The following CREB5 variants were observed in gnomAD, a reference collection of about 807,000 sequenced individuals.
CREB5 encodes the protein cyclic AMP-responsive element-binding protein 5.
A neutral mutation model predicts 57.1 loss-of-function variants in CREB5; 19 were observed. The observed-to-expected ratio is 0.33, with a 90% CI of 0.23 to 0.49. The LOEUF is 0.49. Ranked by LOEUF, CREB5 falls within the 20% of genes least tolerant of loss-of-function variation. The probability of loss-of-function intolerance (pLI) is 0.99; values close to 1 mark genes in which losing one functional copy is unlikely to be tolerated. For missense variants in CREB5, 579 were observed against 671.6 expected (o/e 0.86, Z 1.52); for synonymous variants, 238 against 238.3 (o/e 1.00, Z 0.01).
intron 5 of CREB5, among the ~76,000 whole-genome samples, chr7:28,685,706 C>G (rs1453612518): frequency 7.1e-6 from 1 of 140,712 alleles, no homozygotes; most frequent in Non-Finnish European, 1.5e-5. Context: ...TTTTTTGTTT[C>G]CAGCAGAACC....
rs1347490207 is a variant in CREB5 at position 28,809,397 on chromosome 7, A to G, written c.1237A>G (p.Thr413Ala). 1 of 1,613,174 alleles carries G rather than the reference A, an allele frequency of 6.2e-7. No individual in the cohort carries two copies. The highest frequency in any genetic ancestry group is 8.5e-7 in the Non-Finnish European group (1 of 1,179,636). ...LEKKAEELTQ[T>A]NMQLQNEVSM... ...AAAGAAAGCAGAAGAACTCACCCAG[A>G]CAAACATGCAGCTTCAGGTGCAGCC... Residue 413 changes from threonine (T) to alanine (A), a missense_variant, in exon 9 of 11, where the codon ACA becomes GCA. Coordinates refer to ENST00000357727, the MANE Select transcript of CREB5 (RefSeq NM_182898.4).
intron 4 of CREB5, among the ~76,000 whole-genome samples, chr7:28,510,117 A>G (rs985984546): frequency 6.6e-6 from 1 of 152,198 alleles, no homozygotes; most frequent in Non-Finnish European, 1.5e-5. Flanking sequence ...AATGAGGAGT[A>G]GGAATAATGC....
chr7:28,733,102 G>A (rs1050762297), intron 7 of CREB5, among the ~76,000 whole-genome samples: 1 of 152,070 alleles, frequency 6.6e-6, no homozygotes, highest in Non-Finnish European at 1.5e-5. Flanking sequence ...CAGGACAGAA[G>A]TGTTCAAGGA....
intron 7 of CREB5, among the ~76,000 whole-genome samples, chr7:28,771,257 T>C (rs1034075136): frequency 1.3e-5 from 2 of 152,172 alleles, no homozygotes; most frequent in Non-Finnish European, 2.9e-5. Context: ...AAAAAATGGC[T>C]CCATCTTTAG....
intron 5 of CREB5, among the ~76,000 whole-genome samples, chr7:28,641,552 T>C (rs1168588507): frequency 2.0e-5 from 3 of 152,084 alleles, no homozygotes; most frequent in African/African-American, 7.2e-5. Flanking sequence ...GTACCCTCCT[T>C]CGGGCATGGC....
At chr7:28,811,474 T>G (rs1025245844) in intron 9 of CREB5, among the ~76,000 whole-genome samples, 1 of 152,136 alleles carries the variant, frequency 6.6e-6, no homozygotes, top group Non-Finnish European at 1.5e-5. Flanking sequence ...ACTGCAACCT[T>G]GACCTCCTGG....
Position 28,435,091 on chromosome 7 carries a change from C to CTT in CREB5, c.3+22190_3+22191dup, listed in dbSNP as rs397702746. ...TGGAATTATCACCTAGGCCACCTGG[C>CTT]TTTTTTTTTTTTTTTTTCCTCCCTC... On this transcript the variant is annotated intron_variant, in intron 1 of 10. Coordinates refer to ENST00000357727, the MANE Select transcript of CREB5 (RefSeq NM_182898.4). 3.5e-3 allele frequency among the ~76,000 whole-genome samples: 469 copies of CTT among 132,760 alleles called. 8 individuals are homozygous for CTT. The highest frequency in any genetic ancestry group is 9.5e-3 in the South Asian group (40 of 4,192). 87.1% of individuals were successfully genotyped at this position (132,760 alleles called of 152,430 possible). A position where few individuals can be genotyped will look rare whatever the true frequency, so the allele number is the denominator to read the frequency against.
intron 4 of CREB5, among the ~76,000 whole-genome samples, chr7:28,569,741 G>A (rs1324573655): frequency 6.6e-6 from 1 of 152,188 alleles, no homozygotes; most frequent in African/African-American, 2.4e-5. Flanking sequence ...CATTGTGAGA[G>A]ATGGATTTTA....
rs1448628986 is a variant in CREB5, at chr7:28,809,076, T to C, written c.1027-111T>C. The C allele has an allele frequency of 3.1e-6, 3 of 977,474 alleles. No individual in the cohort carries two copies. The African/African-American group carries it at 4.9e-5, about 16-fold the overall frequency. The allele number at this position is 977,474 out of a possible 1,614,324, so 60.6% of individuals were successfully genotyped here. A position where few individuals can be genotyped will look rare whatever the true frequency, so the allele number is the denominator to read the frequency against. ...TAGGAGGCAAGTCTCATATGCTGAC[T>C]GAAACGATAGACTTTCTGTGCTTTG... On this transcript the variant is annotated intron_variant, in intron 8 of 10. Transcript: ENST00000357727.
At chr7:28,732,888 A>C (rs1041347345) in intron 7 of CREB5, among the ~76,000 whole-genome samples, 2 of 150,782 alleles carry the variant, frequency 1.3e-5, no homozygotes, top group African/African-American at 4.9e-5. Context: ...CTTGAAATTT[A>C]AACTACGAAG....
chr7:28,391,845 T>C (rs1325565207), intron 1 of CREB5, among the ~76,000 whole-genome samples: 1 of 152,218 alleles, frequency 6.6e-6, no homozygotes, highest in East Asian at 1.9e-4. Context: ...TTTGCTGTTT[T>C]GGGGTCTGCT....
intron 7 of CREB5, among the ~76,000 whole-genome samples, chr7:28,741,188 G>A (rs1158036311): frequency 6.6e-6 from 1 of 152,110 alleles, no homozygotes; most frequent in East Asian, 1.9e-4. Flanking sequence ...CATGGGTGGT[G>A]TTCCCAAAGT....
chr7:28,321,576 A>G (rs1259452141), intron 1 of CREB5, among the ~76,000 whole-genome samples: 42 of 151,934 alleles, frequency 2.8e-4, no homozygotes, highest in Non-Finnish European at 1.5e-5. Flanking sequence ...TGTGCGCCCA[A>G]CTCCACCCTT....
intron 1 of CREB5, among the ~76,000 whole-genome samples, chr7:28,378,457 A>T (rs889841428): frequency 9.2e-5 from 14 of 152,144 alleles, no homozygotes; most frequent in African/African-American, 3.1e-4. Context: ...AACTCTTTTT[A>T]ATTTTAGTCT....
At chr7:28,426,777 A>G (rs1370246231) in intron 1 of CREB5, among the ~76,000 whole-genome samples, 1 of 152,210 alleles carries the variant, frequency 6.6e-6, no homozygotes, top group African/African-American at 2.4e-5. Flanking sequence ...TGTGTTTTTC[A>G]TAAACTCCCT....
At chr7:28,709,544 A>C (rs1445730397) in intron 5 of CREB5, among the ~76,000 whole-genome samples, 1 of 152,180 alleles carries the variant, frequency 6.6e-6, no homozygotes, top group Non-Finnish European at 1.5e-5. Flanking sequence ...AAACGCTTGA[A>C]AGCCCTAGTA....
chr7:28,737,487 C>A, intron 7 of CREB5, among the ~76,000 whole-genome samples: 1 of 114,248 alleles, frequency 8.8e-6, no homozygotes, highest in East Asian at 2.1e-4. Flanking sequence ...ATAGTAATTT[C>A]TCTCTCTCTC....
intron 5 of CREB5, among the ~76,000 whole-genome samples, chr7:28,593,066 A>G (rs1471972207): frequency 6.6e-6 from 1 of 152,184 alleles, no homozygotes; most frequent in African/African-American, 2.4e-5. Context: ...ATCCAGTTGC[A>G]GATAATGAGG....
intron 4 of CREB5, among the ~76,000 whole-genome samples, chr7:28,556,250 A>G (rs1473810558): frequency 9.2e-5 from 14 of 152,326 alleles, no homozygotes; most frequent in Non-Finnish European, 2.9e-5. Flanking sequence ...TGACTCCCAC[A>G]TATAAAGCTG....
Sources: gnomAD v4.1 joint callset for allele counts (sites outside exome capture counted in the v4.1 genomes callset) on GRCh38, gnomAD v4.1.1 for gene constraint, MANE v1.5 for transcripts, NCBI Gene and HGNC (gene_info 2026-07-23, HGNC 2026-07-21) for gene names.